CTNNA3: variants seen among roughly 807,000 people sequenced by gnomAD.
CTNNA3 encodes catenin alpha 3.
CTNNA3 carries 76 observed loss-of-function variants against 95.7 expected under a neutral mutation model. The observed-to-expected ratio is 0.79, with a 90% CI of 0.66 to 0.96. The LOEUF (loss-of-function observed/expected upper bound fraction) is 0.96. Among genes scored for constraint, CTNNA3 ranks in the 40% least tolerant of loss-of-function variants. The probability of loss-of-function intolerance (pLI) is 0.00; values close to 1 mark genes in which losing one functional copy is unlikely to be tolerated. For synonymous variants in CTNNA3, 431 were observed against 374.4 expected (o/e 1.15, Z -1.74); for missense variants, 1,191 against 1,089.8 (o/e 1.09, Z -1.31).
chr10:67,722,692 A>G (rs1399399858), intron 1 of CTNNA3, among the ~76,000 whole-genome samples: 1 of 152,170 alleles, frequency 6.6e-6, no homozygotes, highest in Non-Finnish European at 1.5e-5. Flanking sequence ...AGCAGTAATT[A>G]ATGCCTATAC....
At chr10:66,464,765 AATAAAAAAAAAAAC>A (rs1419862054) in intron 11 of CTNNA3, among the ~76,000 whole-genome samples, 1 of 142,928 alleles carries the variant, frequency 7.0e-6, no homozygotes, top group African/African-American at 2.8e-5. Flanking sequence ...TGTCTCAAAA[AATAAAAAAAAAAAC>A]AAAAACACCT....
intron 12 of CTNNA3, among the ~76,000 whole-genome samples, chr10:66,352,316 G>A (rs1383439330): frequency 6.6e-6 from 1 of 152,056 alleles, no homozygotes; most frequent in Non-Finnish European, 1.5e-5. Flanking sequence ...AGTGGGGAAG[G>A]AACATACACA....
chr10:65,950,243 A>T lies in CTNNA3; in HGVS notation c.2400+16369T>A, dbSNP rs1368626846. On this transcript the variant is annotated intron_variant, in intron 17 of 17. Transcript: ENST00000433211. ...TTCATATTATGCAACAACAAGCATA[A>T]ATTCAGCATGAGTCAGACTGAAATG... Among the ~76,000 whole-genome samples the T allele has an allele frequency of 2.0e-5, 3 of 152,268 alleles. No homozygotes were observed. In the East Asian group the frequency reaches 5.8e-4, roughly 29 times the overall value.
rs144137857 is a variant in CTNNA3 at position 67,660,579 on chromosome 10, T to C, written c.-5-13061A>G. Reference sequence around the variant, plus strand: ...GAGGTTGAATGCAATTTCTCATTCATGGAAAAATATGTAAACTTAACCATG... The same window carrying C: ...GAGGTTGAATGCAATTTCTCATTCACGGAAAAATATGTAAACTTAACCATG... On this transcript the variant is annotated intron_variant, in intron 1 of 17. Transcript: ENST00000433211. Among the ~76,000 whole-genome samples the C allele has an allele frequency of 3.6e-3, 552 of 152,302 alleles. 5 individuals carry two copies. Among genetic ancestry groups the C allele is most frequent in the African/African-American group, 0.012 (519 of 41,564 alleles).
chr10:67,361,919 A>C (rs1693427338), intron 5 of CTNNA3, among the ~76,000 whole-genome samples: 1 of 152,136 alleles, frequency 6.6e-6, no homozygotes, highest in Admixed American at 6.6e-5. Flanking sequence ...AACACAATAA[A>C]AAAATGACAA....
intron 13 of CTNNA3, among the ~76,000 whole-genome samples, chr10:66,265,919 C>T (rs886871541): frequency 2.6e-5 from 4 of 151,938 alleles, no homozygotes; most frequent in Non-Finnish European, 5.9e-5. Flanking sequence ...TCTTATCTAT[C>T]TCCATATGGC....
At chr10:67,456,911 C>T (rs914967406) in intron 5 of CTNNA3, among the ~76,000 whole-genome samples, 2 of 151,982 alleles carry the variant, frequency 1.3e-5, no homozygotes, top group African/African-American at 2.4e-5. Flanking sequence ...TAGCAGAAAG[C>T]GAGCCCCCTC....
chr10:67,456,620 C>T, intron 5 of CTNNA3, among the ~76,000 whole-genome samples: 1 of 152,148 alleles, frequency 6.6e-6, no homozygotes, highest in East Asian at 1.9e-4. Context: ...TATTCTTTCT[C>T]TGTATGAACA....
rs1847455509 is a variant in CTNNA3, at chr10:66,689,953, C to T, written c.1282-68169G>A. Among the ~76,000 whole-genome samples the T allele has an allele frequency of 3.9e-5, 6 of 152,088 alleles. No homozygotes were observed. The South Asian group carries it at 1.0e-3, about 26-fold the overall frequency. On this transcript the variant is annotated intron_variant, in intron 9 of 17. Coordinates refer to ENST00000433211, the MANE Select transcript of CTNNA3 (RefSeq NM_013266.4). ...AAATGCTACAGATCTGCTTTCTCCA[C>T]ACTTGTTTTAATATTTTGGGAAATT...
At chr10:66,967,985 G>A (rs1411400464) in intron 7 of CTNNA3, among the ~76,000 whole-genome samples, 1 of 152,000 alleles carries the variant, frequency 6.6e-6, no homozygotes, top group Non-Finnish European at 1.5e-5. Context: ...TACTGAATTG[G>A]ATTTGTCCTC....
intron 14 of CTNNA3, among the ~76,000 whole-genome samples, chr10:66,081,984 G>A (rs1824672): frequency 0.28 from 42,794 of 151,622 alleles, 6,693 homozygotes; most frequent in South Asian, 0.43. Flanking sequence ...TGGGCATGGT[G>A]GTGGGTGCCT....
chr10:66,979,022 T>C (rs1850253124), intron 7 of CTNNA3, among the ~76,000 whole-genome samples: 2 of 142,800 alleles, frequency 1.4e-5, no homozygotes, highest in African/African-American at 5.2e-5. Context: ...TGGAGTGCAA[T>C]GGTGCAATCT....
At chr10:66,050,751 A>G (rs1437248952) in intron 15 of CTNNA3, among the ~76,000 whole-genome samples, 3 of 152,114 alleles carry the variant, frequency 2.0e-5, no homozygotes, top group Middle Eastern at 3.2e-3. Flanking sequence ...CCACCTAGGA[A>G]GCTACTCATC....
chr10:66,258,186 A>T (rs1031488938), intron 13 of CTNNA3, among the ~76,000 whole-genome samples: 1 of 152,176 alleles, frequency 6.6e-6, no homozygotes, highest in Non-Finnish European at 1.5e-5. Flanking sequence ...AGTCCTAACA[A>T]GGCTGTTTTA....
intron 3 of CTNNA3, among the ~76,000 whole-genome samples, chr10:67,567,959 C>G (rs1452443475): frequency 6.6e-6 from 1 of 152,004 alleles, no homozygotes; most frequent in Non-Finnish European, 1.5e-5. Context: ...AATGCAGGAG[C>G]CTCCCAGCTG....
intron 13 of CTNNA3, among the ~76,000 whole-genome samples, chr10:66,157,756 T>C (rs528968832): frequency 7.9e-5 from 12 of 152,208 alleles, no homozygotes; most frequent in African/African-American, 2.9e-4. Context: ...CTGTTTTCCA[T>C]AGTGGCTGCA....
intron 5 of CTNNA3, among the ~76,000 whole-genome samples, chr10:67,319,371 T>C (rs114615261): frequency 5.3e-5 from 8 of 152,286 alleles, no homozygotes; most frequent in African/African-American, 1.9e-4. Context: ...TAGCAAGTCA[T>C]AGGGACCAGG....
At chr10:67,002,135 C>T (rs186720991) in intron 7 of CTNNA3, among the ~76,000 whole-genome samples, 2 of 152,288 alleles carry the variant, frequency 1.3e-5, no homozygotes. Flanking sequence ...AGCTCTCTGA[C>T]TTGAAATGGA....
chr10:67,683,588 T>C (rs1840668930), intron 1 of CTNNA3, among the ~76,000 whole-genome samples: 1 of 152,184 alleles, frequency 6.6e-6, no homozygotes, highest in South Asian at 2.1e-4. Context: ...TATTACCCAG[T>C]TAATTGTATA....
Sources: allele counts gnomAD v4.1 joint callset (sites outside exome capture counted in the v4.1 genomes callset), GRCh38; gene constraint gnomAD v4.1.1; transcripts MANE v1.5; gene names NCBI Gene and HGNC (gene_info 2026-07-23, HGNC 2026-07-21).